PDE12: variants seen among roughly 807,000 people sequenced by gnomAD.
The protein encoded by PDE12 is 2',5'-phosphodiesterase 12.
Under a neutral mutation model 45.4 loss-of-function variants are expected in PDE12, and 26 were observed. The observed-to-expected ratio is 0.57, with a 90% CI of 0.42 to 0.79. The LOEUF is 0.79. Among genes scored for constraint, PDE12 ranks in the 30% least tolerant of loss-of-function variants. PDE12 has a pLI of 0.00. For missense variants in PDE12, 668 were observed against 790.0 expected (o/e 0.85, Z 1.85); for synonymous variants, 283 against 323.9 (o/e 0.87, Z 1.36).
At chr3:57,580,397 T>C in the PDE12 span, among the ~76,000 whole-genome samples, 1 of 152,092 alleles carries the variant, frequency 6.6e-6, no homozygotes, top group Admixed American at 6.6e-5. Flanking sequence ...TCCATTTTTT[T>C]GTTTCTTCTT....
At chr3:57,597,273 A>G in the PDE12 span, 2 of 831,984 alleles carry the variant, frequency 2.4e-6, no homozygotes. Context: ...GGAGGCAGAA[A>G]CGTCTCAGTG....
chr3:57,584,564 C>T, the PDE12 span: 2 of 990,868 alleles, frequency 2.0e-6, no homozygotes, highest in Non-Finnish European at 1.5e-6. Flanking sequence ...GTTGACTGTT[C>T]AAGACAACTT....
At chr3:57,596,679 G>A in the PDE12 span, 1 of 199,136 alleles carries the variant, frequency 5.0e-6, no homozygotes, top group Admixed American at 5.7e-5. Context: ...GAGTTGCTCT[G>A]CCTCCCTCCT....
At chr3:57,634,751 A>T in the PDE12 span, 2 of 1,570,274 alleles carry the variant, frequency 1.3e-6, no homozygotes, top group Non-Finnish European at 1.7e-6. Context: ...TTTCACTTTA[A>T]CCTGCTTAGG....
chr3:57,632,106 G>A, the PDE12 span, among the ~76,000 whole-genome samples: 4 of 144,290 alleles, frequency 2.8e-5, no homozygotes, highest in South Asian at 6.8e-4. Context: ...TGCAACCTCC[G>A]CCTCCCGGGT....
At chr3:57,636,129 T>G in the PDE12 span, among the ~76,000 whole-genome samples, 1 of 152,198 alleles carries the variant, frequency 6.6e-6, no homozygotes, top group Non-Finnish European at 1.5e-5. Flanking sequence ...TGTTAGAACT[T>G]AAGTTATGGA....
chr3:57,620,430 T>C, the PDE12 span, among the ~76,000 whole-genome samples: 1 of 151,320 alleles, frequency 6.6e-6, no homozygotes. Context: ...AAAAAATGAG[T>C]ATGTCTGCTC....
the PDE12 span, among the ~76,000 whole-genome samples, chr3:57,587,631 T>A: frequency 4.6e-5 from 7 of 152,148 alleles, no homozygotes; most frequent in African/African-American, 1.7e-4. Flanking sequence ...TCCTGATGTA[T>A]CTTTTTGAAG....
chr3:57,585,991 G>C, the PDE12 span, among the ~76,000 whole-genome samples: 1 of 152,002 alleles, frequency 6.6e-6, no homozygotes, highest in Non-Finnish European at 1.5e-5. Flanking sequence ...AGTTGAGGCA[G>C]AAGTACAAGT....
chr3:57,635,450 G>T, the PDE12 span, among the ~76,000 whole-genome samples: 1 of 152,054 alleles, frequency 6.6e-6, no homozygotes, highest in Non-Finnish European at 1.5e-5. Context: ...AATACCTCAA[G>T]ATACACTTAA....
the PDE12 span, chr3:57,628,752 G>C: frequency 6.5e-7 from 1 of 1,548,422 alleles, no homozygotes. Flanking sequence ...CAGCTCACAT[G>C]AGAGGACAAT....
the PDE12 span, among the ~76,000 whole-genome samples, chr3:57,593,630 T>C: frequency 6.6e-6 from 1 of 152,248 alleles, no homozygotes; most frequent in African/African-American, 2.4e-5. Context: ...GAGATCAGAA[T>C]TAGTAATTCC....
the PDE12 span, among the ~76,000 whole-genome samples, chr3:57,618,899 C>T: frequency 1.1e-4 from 16 of 152,114 alleles, 1 homozygote; most frequent in South Asian, 3.3e-3. Context: ...TAAGCCACTC[C>T]ACCTGGCCAA....
chr3:57,640,316 G>A, the PDE12 span, among the ~76,000 whole-genome samples: 2 of 150,128 alleles, frequency 1.3e-5, no homozygotes, highest in Admixed American at 1.3e-4. Context: ...GTAGTGGCAG[G>A]GAGTGGTGGC....
the PDE12 span, among the ~76,000 whole-genome samples, chr3:57,624,656 T>G: frequency 7.3e-5 from 11 of 151,280 alleles, no homozygotes; most frequent in African/African-American, 2.7e-4. Context: ...CCCAGCTACT[T>G]GAGAGGCCGA....
chr3:57,605,952 G>T, the PDE12 span, among the ~76,000 whole-genome samples: 43 of 152,078 alleles, frequency 2.8e-4, no homozygotes, highest in Non-Finnish European at 4.3e-4. Context: ...AAATGAAACA[G>T]AAAAGAGTCA....
chr3:57,559,345 A>C lies in PDE12; in HGVS notation c.1344A>C (p.Lys448Asn). Residue 448 changes from lysine to asparagine, a missense_variant, in exon 2 of 3, where the codon AAA becomes AAC. By Grantham distance (94) the Lys-to-Asn change is moderately conservative. Transcript: ENST00000311180. ...TTCAGTCTACAAAGGACTCTTCTAA[A>C]AGGATATGTGTTGCTAATACCCATC... is the stretch of plus-strand genomic sequence containing the variant. ...SVLQSTKDSS[K>N]RICVANTHLY... 1.2e-6 allele frequency: 2 copies of C among 1,613,208 alleles called. No individual in the cohort carries two copies. Among genetic ancestry groups the C allele is most frequent in the Non-Finnish European group, 1.7e-6 (2 of 1,179,190 alleles).
chr3:57,598,768 G>A, the PDE12 span, among the ~76,000 whole-genome samples: 1 of 152,076 alleles, frequency 6.6e-6, no homozygotes, highest in Non-Finnish European at 1.5e-5. Context: ...GCGACAGAGC[G>A]AGACTGTCTT....
Position 57,562,128 on chromosome 3 carries a change from T to A in PDE12, c.*2124T>A. On this transcript the variant is annotated 3_prime_UTR_variant, in exon 3 of 3. Transcript: ENST00000311180. ...TGTTGATAGAACCCTTAGAGTGACT[T>A]GGGAGAAAACAAAGTGTCACATCAA... is the stretch of plus-strand genomic sequence containing the variant. 1 of 979,850 alleles carries A rather than the reference T, an allele frequency of 1.0e-6. No individual in the cohort carries two copies. Among genetic ancestry groups the A allele is most frequent in the Non-Finnish European group, 1.2e-6 (1 of 824,864 alleles). 60.7% of individuals were successfully genotyped at this position (979,850 alleles called of 1,614,324 possible).
Sources: gnomAD v4.1 joint callset for allele counts (sites outside exome capture counted in the v4.1 genomes callset) on GRCh38, gnomAD v4.1.1 for gene constraint, MANE v1.5 for transcripts, NCBI Gene and HGNC (gene_info 2026-07-23, HGNC 2026-07-21) for gene names.